RBFOX1: variants seen among roughly 807,000 people sequenced by gnomAD.
RBFOX1 encodes the protein RNA binding protein fox-1 homolog 1.
A neutral mutation model predicts 57.7 loss-of-function variants in RBFOX1; 8 were observed. The ratio of observed to expected loss-of-function variants is 0.14; its 90% CI spans 0.08 to 0.25. The LOEUF is 0.25. Ranked by LOEUF, RBFOX1 falls within the 10% of genes least tolerant of loss-of-function variation. RBFOX1 has a pLI of 1.00. For synonymous variants in RBFOX1, 326 were observed against 222.4 expected (o/e 1.47, Z -4.15); for missense variants, 611 against 548.5 (o/e 1.11, Z -1.14).
chr16:5,809,053 A>AG (rs2055330434), intron 3 of RBFOX1, among the ~76,000 whole-genome samples: 1 of 152,208 alleles, frequency 6.6e-6, no homozygotes, highest in Non-Finnish European at 1.5e-5. Context: ...GACAAACCTG[A>AG]GAAAAACAAG....
At chr16:6,944,414 AAG>A (rs2079103395) in intron 3 of RBFOX1, among the ~76,000 whole-genome samples, 1 of 149,464 alleles carries the variant, frequency 6.7e-6, no homozygotes, top group Admixed American at 6.6e-5. Context: ...AAAAAAAAAA[AAG>A]AAAGAAAAGA....
At chr16:6,215,754 G>A (rs979446783) in intron 1 of RBFOX1, among the ~76,000 whole-genome samples, 2 of 152,006 alleles carry the variant, frequency 1.3e-5, no homozygotes, top group Non-Finnish European at 1.5e-5. Flanking sequence ...ACAGCTCTTC[G>A]AAAGCAAGTA....
chr16:7,093,174 G>C (rs1567227498), intron 4 of RBFOX1, among the ~76,000 whole-genome samples: 1 of 152,200 alleles, frequency 6.6e-6, no homozygotes, highest in African/African-American at 2.4e-5. Context: ...GACCTGGCAA[G>C]TTCATTCAGC....
At chr16:5,565,870 C>G (rs2046049966) in intron 2 of RBFOX1, among the ~76,000 whole-genome samples, 1 of 151,958 alleles carries the variant, frequency 6.6e-6, no homozygotes, top group Non-Finnish European at 1.5e-5. Context: ...CTACCCATGT[C>G]TCATCTTGAA....
chr16:7,686,926 G>C (rs1031193742), intron 14 of RBFOX1, among the ~76,000 whole-genome samples: 6 of 152,082 alleles, frequency 3.9e-5, no homozygotes, highest in African/African-American at 9.7e-5. Context: ...CCAAAACTCA[G>C]ATCTTTTTTT....
intron 9 of RBFOX1, among the ~76,000 whole-genome samples, chr16:7,599,701 A>G (rs1363870527): frequency 7.3e-6 from 1 of 137,746 alleles, no homozygotes; most frequent in East Asian, 2.2e-4. Context: ...GCTGGAGGGC[A>G]GTGGCATGCT....
At chr16:6,952,272 G>A (rs986291042) in intron 3 of RBFOX1, among the ~76,000 whole-genome samples, 1 of 152,152 alleles carries the variant, frequency 6.6e-6, no homozygotes, top group African/African-American at 2.4e-5. Flanking sequence ...GGTTCTAAAA[G>A]AACAAACTTA....
rs144699561 is a variant in RBFOX1 at position 7,365,263 on chromosome 16, A to C, written c.28-152884A>C. Reference sequence around the variant, plus strand: ...AAACAGATGATACACTCAATGGGGTAATAAATATGTAAAGGACCTTGCCAC... The same window carrying C: ...AAACAGATGATACACTCAATGGGGTCATAAATATGTAAAGGACCTTGCCAC... On this transcript the variant is annotated intron_variant, in intron 4 of 15. Transcript: ENST00000550418. Among the ~76,000 whole-genome samples the C allele has an allele frequency of 5.9e-3, 893 of 152,362 alleles. 7 individuals are homozygous for C. The highest frequency in any genetic ancestry group is 0.037 in the Middle Eastern group (11 of 294).
At chr16:7,504,769 A>T (rs1375476581) in intron 4 of RBFOX1, among the ~76,000 whole-genome samples, 6 of 11,430 alleles carry the variant, frequency 5.2e-4, no homozygotes, top group Admixed American at 2.1e-3. Flanking sequence ...ATATATATAT[A>T]TTTATATATA....
chr16:5,663,473 G>A (rs893348772), intron 3 of RBFOX1, among the ~76,000 whole-genome samples: 6 of 151,884 alleles, frequency 4.0e-5, no homozygotes, highest in Non-Finnish European at 7.4e-5. Context: ...CGAAAATGCT[G>A]GTATTAAATG....
chr16:6,500,957 G>A (rs42189), intron 2 of RBFOX1, among the ~76,000 whole-genome samples: 60,398 of 144,378 alleles, frequency 0.42, 12,819 homozygotes, highest in East Asian at 0.61. Flanking sequence ...TGCTGGACCA[G>A]CCATGTTCCT....
chr16:5,541,291 C>T (rs578099007), intron 2 of RBFOX1, among the ~76,000 whole-genome samples: 2 of 152,232 alleles, frequency 1.3e-5, no homozygotes, highest in East Asian at 1.9e-4. Flanking sequence ...AAATCTGAGA[C>T]AGGTCTCAGT....
At chr16:6,917,518 G>A (rs1367543607) in intron 3 of RBFOX1, among the ~76,000 whole-genome samples, 3 of 152,180 alleles carry the variant, frequency 2.0e-5, no homozygotes, top group East Asian at 1.9e-4. Context: ...GAAACACTCT[G>A]TCCAAAGGAA....
At chr16:5,605,328 C>T (rs1567288114) in intron 3 of RBFOX1, among the ~76,000 whole-genome samples, 1 of 152,206 alleles carries the variant, frequency 6.6e-6, no homozygotes, top group Non-Finnish European at 1.5e-5. Flanking sequence ...GGTTATGATG[C>T]CTGTAACCAT....
intron 4 of RBFOX1, among the ~76,000 whole-genome samples, chr16:7,492,650 T>C (rs997317949): frequency 1.3e-5 from 2 of 152,308 alleles, no homozygotes; most frequent in East Asian, 1.9e-4. Flanking sequence ...GGGAGGTGAT[T>C]GGACCATGAA....
chr16:5,560,794 A>G (rs1477402600), intron 2 of RBFOX1, among the ~76,000 whole-genome samples: 1 of 152,138 alleles, frequency 6.6e-6, no homozygotes, highest in Non-Finnish European at 1.5e-5. Flanking sequence ...AATCTAACAT[A>G]TACTTTGCAG....
intron 2 of RBFOX1, among the ~76,000 whole-genome samples, chr16:6,562,832 TTTTCTTTCTTTCTTTCTTTCTTTC>T (rs370685598): frequency 2.6e-5 from 2 of 75,944 alleles, no homozygotes; most frequent in South Asian, 5.1e-4. Context: ...TTCTTGATTC[TTTTCTTTCTTTCTTTCTTTCTTTC>T]TTTCTTTCTT....
chr16:6,362,313 A>G (rs2088711486), intron 2 of RBFOX1, among the ~76,000 whole-genome samples: 1 of 152,196 alleles, frequency 6.6e-6, no homozygotes, highest in Non-Finnish European at 1.5e-5. Context: ...CTAATTCTTC[A>G]GGAGTAAACT....
chr16:6,216,961 T>C (rs151176117), intron 1 of RBFOX1, among the ~76,000 whole-genome samples: 230 of 152,296 alleles, frequency 1.5e-3, no homozygotes, highest in Non-Finnish European at 2.5e-3. Context: ...CGTTCACCTT[T>C]TGCCCACTTA....
Sources: gnomAD v4.1 joint callset for allele counts (sites outside exome capture counted in the v4.1 genomes callset) on GRCh38, gnomAD v4.1.1 for gene constraint, MANE v1.5 for transcripts, NCBI Gene and HGNC (gene_info 2026-07-23, HGNC 2026-07-21) for gene names.